The following TNFSF11 variants were observed in gnomAD, a reference collection of about 807,000 sequenced individuals.
TNFSF11 encodes the protein TNF superfamily member 11, also known as tumor necrosis factor ligand superfamily member 11.
In TNFSF11, 12 loss-of-function variants were observed where a neutral mutation model predicts 32.2. That is an observed-to-expected ratio of 0.37 (90% CI 0.24 to 0.60). The LOEUF (loss-of-function observed/expected upper bound fraction) is 0.60, where lower values mean the gene tolerates loss of function less well. Among genes scored for constraint, TNFSF11 ranks in the 20% least tolerant of loss-of-function variants. The pLI is 0.66. For missense variants in TNFSF11, 345 were observed against 398.0 expected (o/e 0.87, Z 1.13); for synonymous variants, 172 against 152.1 (o/e 1.13, Z -0.96).
At chr13:42,592,468 G>C (rs537258831) in intron 2 of TNFSF11, among the ~76,000 whole-genome samples, 110 of 152,346 alleles carry the variant, frequency 7.2e-4, no homozygotes, top group African/African-American at 2.5e-3. Flanking sequence ...GGGATGGAGA[G>C]GGTCGTGGAG....
At chr13:42,598,850 T>C (rs752940893) in intron 2 of TNFSF11, among the ~76,000 whole-genome samples, 1 of 152,190 alleles carries the variant, frequency 6.6e-6, no homozygotes, top group Non-Finnish European at 1.5e-5. Context: ...ATAAGTCTGT[T>C]GTGAAGGCAG....
intron 1 of TNFSF11, among the ~76,000 whole-genome samples, chr13:42,578,687 T>C (rs1365737543): frequency 1.3e-5 from 2 of 151,956 alleles, no homozygotes; most frequent in African/African-American, 4.8e-5. Context: ...GTTCAATGAT[T>C]GGACACTTCC....
chr13:42,578,801 T>A (rs375403887), intron 1 of TNFSF11, among the ~76,000 whole-genome samples: 5 of 152,338 alleles, frequency 3.3e-5, no homozygotes, highest in African/African-American at 1.2e-4. Flanking sequence ...ATCTTTGCAT[T>A]GTACTTATTT....
At chr13:42,564,617 G>A (rs1193608874) in intron 1 of TNFSF11, among the ~76,000 whole-genome samples, 2 of 151,786 alleles carry the variant, frequency 1.3e-5, no homozygotes, top group East Asian at 1.9e-4. Context: ...TGGGTCATCT[G>A]TTGGTCTGTT....
At chr13:42,566,236 G>C (rs924334014) in intron 1 of TNFSF11, among the ~76,000 whole-genome samples, 4 of 152,172 alleles carry the variant, frequency 2.6e-5, no homozygotes, top group African/African-American at 7.2e-5. Flanking sequence ...CCAGCCATGA[G>C]AGATCCCCAG....
At chr13:42,601,541 G>C (rs1869175367) in intron 4 of TNFSF11, among the ~76,000 whole-genome samples, 1 of 152,116 alleles carries the variant, frequency 6.6e-6, no homozygotes, top group Admixed American at 6.5e-5. Context: ...AAGAAACCCG[G>C]AGCTCTCTGC....
At chr13:42,588,164 C>T (rs1480104245) in intron 2 of TNFSF11, among the ~76,000 whole-genome samples, 4 of 152,196 alleles carry the variant, frequency 2.6e-5, no homozygotes, top group African/African-American at 7.2e-5. Flanking sequence ...TCACATTTAG[C>T]GTTTATAAAA....
intron 1 of TNFSF11, among the ~76,000 whole-genome samples, chr13:42,563,382 G>A (rs1224482914): frequency 6.6e-6 from 1 of 152,204 alleles, no homozygotes; most frequent in East Asian, 1.9e-4. Context: ...AAGAAGTTAG[G>A]CTGGACGGGG....
In TNFSF11 at chr13:42,607,713, C is replaced by T. The variant is rs1869542664; in HGVS notation, c.*795C>T. 6.6e-6 allele frequency: 1 copy of T among 152,644 alleles called. No homozygotes were observed. The highest frequency in any genetic ancestry group is 1.5e-5 in the Non-Finnish European group (1 of 68,016). 9.5% of individuals were successfully genotyped at this position (152,644 alleles called of 1,614,324 possible). ...CTTGAATAATAAGCAGGATGTTGGCCACCAGGTGCCTTTCAAATTTAGAAA... is the reference window on the plus strand; with the variant it reads ...CTTGAATAATAAGCAGGATGTTGGCTACCAGGTGCCTTTCAAATTTAGAAA... On this transcript the variant is annotated 3_prime_UTR_variant, in exon 5 of 5. Coordinates refer to ENST00000398795, the MANE Select transcript of TNFSF11 (RefSeq NM_003701.4).
intron 2 of TNFSF11, among the ~76,000 whole-genome samples, chr13:42,591,460 C>T (rs1395830791): frequency 6.6e-6 from 1 of 152,114 alleles, no homozygotes; most frequent in African/African-American, 2.4e-5. Flanking sequence ...CCTCTCCCTT[C>T]CTGGTGTCTT....
At chr13:42,602,484 A>C (rs751072472) in intron 4 of TNFSF11, among the ~76,000 whole-genome samples, 2 of 152,244 alleles carry the variant, frequency 1.3e-5, no homozygotes, top group East Asian at 3.9e-4. Context: ...ACAAGGGGGA[A>C]TTTTTCCTGA....
intron 2 of TNFSF11, among the ~76,000 whole-genome samples, chr13:42,587,212 T>C (rs1455071962): frequency 6.6e-6 from 1 of 152,210 alleles, no homozygotes; most frequent in East Asian, 1.9e-4. Flanking sequence ...CTGAAGACAG[T>C]ACCTGGAAGT....
chr13:42,584,417 G>A (rs940046401), intron 2 of TNFSF11, among the ~76,000 whole-genome samples: 1 of 152,170 alleles, frequency 6.6e-6, no homozygotes, highest in African/African-American at 2.4e-5. Flanking sequence ...GTAGCCAATT[G>A]TTGCTCACTG....
intron 2 of TNFSF11, among the ~76,000 whole-genome samples, chr13:42,590,037 G>A (rs186877568): frequency 2.0e-4 from 30 of 152,362 alleles, no homozygotes; most frequent in Middle Eastern, 3.4e-3. Flanking sequence ...GGGGCTTCTT[G>A]TAACAGCAGT....
intron 4 of TNFSF11, among the ~76,000 whole-genome samples, chr13:42,602,689 T>C (rs375960628): frequency 6.6e-6 from 1 of 152,236 alleles, no homozygotes; most frequent in African/African-American, 2.4e-5. Context: ...CAAATAAATA[T>C]GGATGCATCT....
Position 42,576,866 on chromosome 13 carries a change from T to C in TNFSF11, c.219+2344T>C, listed in dbSNP as rs76917472. Among the ~76,000 whole-genome samples, 1,021 of 152,372 alleles carry C rather than the reference T, an allele frequency of 6.7e-3. 1 individual carries two copies. Among genetic ancestry groups the C allele is most frequent in the Non-Finnish European group, 0.012 (813 of 68,036 alleles). ...TGAAAAAAGATTTGCCATACATTGGTAATAGCTGAAGCGCTGATGCGTGCC... is the reference window on the plus strand; with the variant it reads ...TGAAAAAAGATTTGCCATACATTGGCAATAGCTGAAGCGCTGATGCGTGCC... On this transcript the variant is annotated intron_variant, in intron 1 of 4. Transcript: ENST00000398795.
chr13:42,581,370 G>A, intron 2 of TNFSF11, 77 bp downstream of exon 2: 1 of 1,486,502 alleles, frequency 6.7e-7, no homozygotes, highest in Non-Finnish European at 9.3e-7. Context: ...CTGGCTAAGT[G>A]CTGTTGACTC....
intron 2 of TNFSF11, among the ~76,000 whole-genome samples, chr13:42,569,096 C>A (rs974223591): frequency 6.6e-6 from 1 of 152,068 alleles, no homozygotes; most frequent in Non-Finnish European, 1.5e-5. Flanking sequence ...CCCTCCGCCA[C>A]GAAGGAATCC....
chr13:42,567,644 T>A (rs1234748212), intron 2 of TNFSF11, among the ~76,000 whole-genome samples: 1 of 152,184 alleles, frequency 6.6e-6, no homozygotes, highest in Non-Finnish European at 1.5e-5. Context: ...GGATGGTAGG[T>A]CAGATGCCTC....
Sources: allele counts gnomAD v4.1 joint callset (sites outside exome capture counted in the v4.1 genomes callset), GRCh38; gene constraint gnomAD v4.1.1; transcripts MANE v1.5; gene names NCBI Gene and HGNC (gene_info 2026-07-23, HGNC 2026-07-21).